SLC4A10: variants seen among roughly 807,000 people sequenced by gnomAD.
The protein encoded by SLC4A10 is solute carrier family 4 member 10.
SLC4A10 carries 42 observed loss-of-function variants against 137.7 expected under a neutral mutation model. The observed-to-expected ratio is 0.30, with a 90% confidence interval of 0.24 to 0.39. The LOEUF (loss-of-function observed/expected upper bound fraction) is 0.39. Among genes scored for constraint, SLC4A10 ranks in the 10% least tolerant of loss-of-function variants. The probability of loss-of-function intolerance (pLI) is 1.00; values close to 1 mark genes in which losing one functional copy is unlikely to be tolerated. For synonymous variants in SLC4A10, 474 were observed against 464.1 expected (o/e 1.02, Z -0.27); for missense variants, 925 against 1,355.0 (o/e 0.68, Z 4.98).
chr2:161,678,154 C>T (rs1286133576), intron 1 of SLC4A10, among the ~76,000 whole-genome samples: 6 of 152,070 alleles, frequency 3.9e-5, no homozygotes, highest in Admixed American at 2.0e-4. Context: ...TGAATTCCTC[C>T]GAGGACTCAT....
intron 15 of SLC4A10, among the ~76,000 whole-genome samples, chr2:161,929,998 T>G (rs1017961269): frequency 6.6e-6 from 1 of 152,160 alleles, no homozygotes; most frequent in East Asian, 1.9e-4. Context: ...AATCTTTTAG[T>G]TTGTGAGTTA....
At chr2:161,830,732 G>T (rs1031644094) in intron 3 of SLC4A10, among the ~76,000 whole-genome samples, 1 of 152,004 alleles carries the variant, frequency 6.6e-6, no homozygotes, top group East Asian at 1.9e-4. Context: ...TTAAACCTTT[G>T]ATATTTACTG....
chr2:161,882,296 G>A (rs2061855834), intron 9 of SLC4A10, 61 bp from the exon 10 acceptor site: 1 of 986,408 alleles, frequency 1.0e-6, no homozygotes, highest in Non-Finnish European at 1.5e-6. Context: ...GAGTGATTCT[G>A]TATTACTAAA....
chr2:161,759,405 A>G (rs1202551253), intron 1 of SLC4A10, among the ~76,000 whole-genome samples: 1 of 152,012 alleles, frequency 6.6e-6, no homozygotes, highest in African/African-American at 2.4e-5. Flanking sequence ...TATAGTCATC[A>G]TGCTCCACAT....
chr2:161,873,950 C>T lies in SLC4A10; in HGVS notation c.893C>T (p.Pro298Leu). The change falls in exon 8 of 27, where the codon CCA (proline) becomes CTA (leucine). Residue 298 changes from proline (P) to leucine (L), a missense_variant. Coordinates refer to ENST00000446997, the MANE Select transcript of SLC4A10 (RefSeq NM_001178015.2). The stretch of plus-strand genomic sequence containing the variant: ...GGCCAACAAAAGGGGCATACTAGTC[C>T]ATGTGGGATGAAACAAAGGCATGAA... ...LGGQQKGHTS[P>L]CGMKQRHEKG... is the part of the protein sequence containing the mutation. 6.3e-7 allele frequency: 1 copy of T among 1,595,030 alleles called. No individual in the cohort carries two copies. Among genetic ancestry groups the T allele is most frequent in the Non-Finnish European group, 8.5e-7 (1 of 1,178,290 alleles).
intron 2 of SLC4A10, among the ~76,000 whole-genome samples, chr2:161,800,956 T>C (rs2055310398): frequency 6.6e-6 from 1 of 152,006 alleles, no homozygotes; most frequent in African/African-American, 2.4e-5. Context: ...TGAGAGATTG[T>C]AGGGGAGGCA....
At chr2:161,730,054 A>T (rs2125173503) in intron 1 of SLC4A10, among the ~76,000 whole-genome samples, 1 of 152,330 alleles carries the variant, frequency 6.6e-6, no homozygotes, top group African/African-American at 2.4e-5. Context: ...AAATAAGAGG[A>T]AAGAGTGAAA....
chr2:161,850,953 G>T (rs62187751), intron 4 of SLC4A10, among the ~76,000 whole-genome samples: 9,241 of 152,094 alleles, frequency 0.061, 368 homozygotes, highest in East Asian at 0.13. Context: ...GGTTTCTACA[G>T]TTACTTCATT....
chr2:161,883,258 T>G (rs2061952939), intron 10 of SLC4A10, among the ~76,000 whole-genome samples: 1 of 152,186 alleles, frequency 6.6e-6, no homozygotes, highest in South Asian at 2.1e-4. Flanking sequence ...ATCTAAATAA[T>G]TTAATAATGT....
At chr2:161,807,218 A>G (rs1318069813) in intron 3 of SLC4A10, among the ~76,000 whole-genome samples, 2 of 152,184 alleles carry the variant, frequency 1.3e-5, no homozygotes, top group Non-Finnish European at 2.9e-5. Context: ...AGAATTCAAG[A>G]TGAGATTTGG....
intron 4 of SLC4A10, among the ~76,000 whole-genome samples, chr2:161,850,739 T>C (rs573974613): frequency 6.6e-6 from 1 of 152,282 alleles, no homozygotes; most frequent in South Asian, 2.1e-4. Flanking sequence ...GTTATTTCTT[T>C]TCTTCTGTTA....
chr2:161,744,198 T>C (rs2048188991), intron 1 of SLC4A10, among the ~76,000 whole-genome samples: 1 of 152,158 alleles, frequency 6.6e-6, no homozygotes, highest in Non-Finnish European at 1.5e-5. Flanking sequence ...GGCATCCTTG[T>C]CATGTTTCAC....
At chr2:161,730,530 T>G (rs2046713845) in intron 1 of SLC4A10, among the ~76,000 whole-genome samples, 1 of 152,172 alleles carries the variant, frequency 6.6e-6, no homozygotes, top group South Asian at 2.1e-4. Flanking sequence ...GAATGTAAGG[T>G]GGTCTCACAT....
At chr2:161,750,222 G>A (rs1574750370) in intron 1 of SLC4A10, among the ~76,000 whole-genome samples, 1 of 151,008 alleles carries the variant, frequency 6.6e-6, no homozygotes, top group South Asian at 2.1e-4. Context: ...TATTTTTTCT[G>A]TCATTTTTGT....
intron 15 of SLC4A10, among the ~76,000 whole-genome samples, chr2:161,933,182 C>CTTTTCTTTCT (rs1690773232): frequency 8.7e-6 from 1 of 114,440 alleles, no homozygotes; most frequent in East Asian, 2.7e-4. Flanking sequence ...CCCCTTCCTT[C>CTTTTCTTTCT]TTTTCTTTCT....
intron 23 of SLC4A10, among the ~76,000 whole-genome samples, chr2:161,970,083 A>T (rs1309416311): frequency 6.6e-6 from 1 of 152,102 alleles, no homozygotes; most frequent in Non-Finnish European, 1.5e-5. Flanking sequence ...TGTTAATAAG[A>T]CCTCTGGGTG....
intron 1 of SLC4A10, among the ~76,000 whole-genome samples, chr2:161,670,370 G>A (rs1168628406): frequency 6.6e-6 from 1 of 151,302 alleles, no homozygotes; most frequent in Admixed American, 6.6e-5. Context: ...ATAAGGGGAG[G>A]CAATTTCTCT....
intron 1 of SLC4A10, among the ~76,000 whole-genome samples, chr2:161,638,987 G>A (rs1336808593): frequency 6.6e-6 from 1 of 151,822 alleles, no homozygotes; most frequent in Non-Finnish European, 1.5e-5. Flanking sequence ...AAACACAAAG[G>A]ATCATTATCA....
At chr2:161,809,271 C>T (rs568842206) in intron 3 of SLC4A10, among the ~76,000 whole-genome samples, 54 of 152,024 alleles carry the variant, frequency 3.6e-4, no homozygotes, top group African/African-American at 1.0e-3. Context: ...CTTGTGGATT[C>T]GGGGTATCAG....
Sources: gnomAD v4.1 joint callset for allele counts (sites outside exome capture counted in the v4.1 genomes callset) on GRCh38, gnomAD v4.1.1 for gene constraint, MANE v1.5 for transcripts, NCBI Gene and HGNC (gene_info 2026-07-23, HGNC 2026-07-21) for gene names.